Variants in KTN1 observed in about 807,000 individuals in gnomAD.
KTN1 encodes kinectin 1.
Under a neutral mutation model 222.5 loss-of-function variants are expected in KTN1, and 130 were observed. The observed-to-expected ratio is 0.58, with a 90% CI of 0.51 to 0.68. The LOEUF is 0.68. KTN1 is among the 30% of genes least tolerant of loss of function. The pLI is 0.00. For missense variants in KTN1, 1,508 were observed against 1,500.4 expected (o/e 1.01, Z -0.08); for synonymous variants, 512 against 496.3 (o/e 1.03, Z -0.42).
chr14:55,650,590 G>C lies in KTN1; in HGVS notation c.2518G>C (p.Ala840Pro). The C allele has an allele frequency of 6.2e-7, 1 of 1,612,290 alleles. No homozygotes were observed. The highest frequency in any genetic ancestry group is 1.3e-5 in the African/African-American group (1 of 74,988). ...CAAGGATTTGAAACAGGAAATAAAG[G>C]CTCTAAAAGAAGAAATAGGAAATGT... ...TVQDLKQEIK[A>P]LKEEIGNVQL... Residue 840 changes from alanine (A) to proline (P), a missense_variant, in exon 24 of 44, where the codon GCT (alanine) becomes CCT (proline). By Grantham distance (27) the Ala-to-Pro change is conservative. Coordinates refer to ENST00000395314, the MANE Select transcript of KTN1 (RefSeq NM_001079521.2).
At chr14:55,634,693 AAT>A in intron 9 of KTN1, 35 bp downstream of exon 9, 1 of 1,584,762 alleles carries the variant, frequency 6.3e-7, no homozygotes, top group Non-Finnish European at 8.6e-7. Flanking sequence ...TCATTTCATG[AAT>A]AATATAGGCG....
chr14:55,661,480 T>C, intron 31 of KTN1, 42 bp from the exon 32 acceptor site: 1 of 1,049,366 alleles, frequency 9.5e-7, no homozygotes. Flanking sequence ...TGTATTACTG[T>C]TTACCTAAAA....
Position 55,667,232 on chromosome 14 carries a change from C to T in KTN1, c.3178-9C>T, listed in dbSNP as rs377597706. The T allele has an allele frequency of 1.1e-5, 17 of 1,557,006 alleles. No individual in the cohort carries two copies. In the African/African-American group the frequency reaches 2.1e-4, roughly 19 times the overall value. Reference sequence around the variant, plus strand: ...TTGTAAGTTTGATTTGGCTCATCTTCTGCTTTAGGAAAGGCAGCAACAGGT... The same window carrying T: ...TTGTAAGTTTGATTTGGCTCATCTTTTGCTTTAGGAAAGGCAGCAACAGGT... On this transcript the variant is annotated splice_polypyrimidine_tract_variant and intron_variant, in intron 33 of 43. Coordinates refer to ENST00000395314, the MANE Select transcript of KTN1 (RefSeq NM_001079521.2).
At chr14:55,670,079 C>A (rs562610388) in intron 34 of KTN1, among the ~76,000 whole-genome samples, 1 of 151,952 alleles carries the variant, frequency 6.6e-6, no homozygotes, top group Non-Finnish European at 1.5e-5. Flanking sequence ...AACTGTAATA[C>A]ATGCATATTT....
At chr14:55,583,883 A>G (rs2032328351) in intron 1 of KTN1, among the ~76,000 whole-genome samples, 1 of 152,194 alleles carries the variant, frequency 6.6e-6, no homozygotes, top group Admixed American at 6.5e-5. Context: ...CGTTGGAGTC[A>G]TCCCTGACTT....
intron 41 of KTN1, 57 bp downstream of exon 41, chr14:55,675,975 C>A (rs2045861634): frequency 1.5e-5 from 17 of 1,118,896 alleles, no homozygotes; most frequent in Non-Finnish European, 2.1e-5. Context: ...TGTGTTCAAT[C>A]TTAAGCAAAC....
At chr14:55,631,351 T>TATATATATATAC (rs1566752804) in intron 7 of KTN1, among the ~76,000 whole-genome samples, 17 of 141,662 alleles carry the variant, frequency 1.2e-4, no homozygotes, top group Non-Finnish European at 3.0e-5. Flanking sequence ...GATATATATA[T>TATATATATATAC]ATATATATAT....
At chr14:55,611,905 G>C in intron 1 of KTN1, 114 bp from the exon 2 acceptor site, 1 of 439,332 alleles carries the variant, frequency 2.3e-6, no homozygotes, top group South Asian at 7.7e-5. Context: ...GTTTAGATTT[G>C]TAGGTCAGGT....
intron 43 of KTN1, chr14:55,680,794 A>C (rs539248363): frequency 1.1e-6 from 1 of 947,632 alleles, no homozygotes; most frequent in East Asian, 5.0e-5. Flanking sequence ...TCATTCTTCA[A>C]CATATCAACA....
At chr14:55,683,674 A>T (rs1199177623) in intron 43 of KTN1, 1 of 153,520 alleles carries the variant, frequency 6.5e-6, no homozygotes, top group African/African-American at 2.4e-5. Context: ...TTCTTTAGTC[A>T]TCTTATCTGA....
rs1430264941 is a variant in KTN1 at position 55,637,343 on chromosome 14, G to T, written c.1695G>T (p.Glu565Asp). The change falls in exon 11 of 44, where the codon GAG becomes GAT. Residue 565 changes from glutamate (E) to aspartate (D), a missense_variant. By Grantham distance (45) the Glu-to-Asp change is conservative. Coordinates refer to ENST00000395314, the MANE Select transcript of KTN1 (RefSeq NM_001079521.2). ...ESEQKRVNKE[E>D]SLQMQVQDIL... ...AGCAGAAAAGGGTGAACAAAGAAGA[G>T]TCTCTACAAATGCAGGTTCAGGTAT... 6.3e-7 allele frequency: 1 copy of T among 1,578,680 alleles called. No homozygotes were observed. The highest frequency in any genetic ancestry group is 1.4e-5 in the African/African-American group (1 of 72,838).
intron 43 of KTN1, chr14:55,681,544 C>G (rs946473527): frequency 1.3e-5 from 2 of 151,952 alleles, no homozygotes; most frequent in Admixed American, 1.3e-4. Flanking sequence ...GATAATAACA[C>G]TTTTTCTTTT....
Position 55,653,079 on chromosome 14 carries a change from G to C in KTN1, c.2757G>C (p.Leu919Phe), listed in dbSNP as rs773402721. 6 of 1,581,258 alleles carry C rather than the reference G, an allele frequency of 3.8e-6. No individual in the cohort carries two copies. The African/African-American group carries it at 4.0e-5, about 11-fold the overall frequency. ...TTCAGGAAGTAGCACAACATAACTT[G>C]AAAGAGGTATAGTATAAACAAATTA... ...AHVQEVAQHN[L>F]KEASSASQFE... is the part of the protein sequence containing the mutation. Residue 919 changes from leucine (L) to phenylalanine (F), a missense_variant, in exon 27 of 44, where the codon TTG (leucine) becomes TTC (phenylalanine). Coordinates refer to ENST00000395314, the MANE Select transcript of KTN1 (RefSeq NM_001079521.2).
intron 1 of KTN1, among the ~76,000 whole-genome samples, chr14:55,605,677 G>C (rs903698627): frequency 1.3e-5 from 2 of 152,138 alleles, no homozygotes; most frequent in Non-Finnish European, 2.9e-5. Flanking sequence ...CAAGACTCTT[G>C]CCTTCCATTT....
At chr14:55,611,985 T>C (rs1410720310) in intron 1 of KTN1, 34 bp from the exon 2 acceptor site, 18 of 970,346 alleles carry the variant, frequency 1.9e-5, no homozygotes, top group Admixed American at 3.1e-5. Flanking sequence ...CAGGTTCTTT[T>C]TTTTTTTTTG....
At chr14:55,681,843 G>A (rs1468525460) in intron 43 of KTN1, 1 of 152,032 alleles carries the variant, frequency 6.6e-6, no homozygotes, top group African/African-American at 2.4e-5. Flanking sequence ...GGTTCCCGTA[G>A]CTCTTCTTTA....
chr14:55,628,790 A>G (rs1314655786), intron 6 of KTN1, among the ~76,000 whole-genome samples: 1 of 129,898 alleles, frequency 7.7e-6, no homozygotes, highest in Non-Finnish European at 1.8e-5. Flanking sequence ...ACTTTAACAT[A>G]GTTTTTTGTG....
At chr14:55,596,158 A>C (rs1188501896) in intron 1 of KTN1, among the ~76,000 whole-genome samples, 208 of 150,694 alleles carry the variant, frequency 1.4e-3, no homozygotes, top group African/African-American at 4.8e-3. Context: ...CAATAGCAAA[A>C]AAAAAAAAAA....
At chr14:55,637,442 A>T (rs1284679837) in intron 11 of KTN1, 78 bp downstream of exon 11, 12 of 987,768 alleles carry the variant, frequency 1.2e-5, no homozygotes, top group Admixed American at 2.8e-5. Context: ...AAGAGAGACT[A>T]AAGTCTACCT....
Sources: allele counts gnomAD v4.1 joint callset (sites outside exome capture counted in the v4.1 genomes callset), GRCh38; gene constraint gnomAD v4.1.1; transcripts MANE v1.5; gene names NCBI Gene and HGNC (gene_info 2026-07-23, HGNC 2026-07-21).